The following VRK2 variants were observed in gnomAD, a reference collection of about 807,000 sequenced individuals.
VRK2 encodes the protein serine/threonine-protein kinase VRK2.
A neutral mutation model predicts 57.6 loss-of-function variants in VRK2; 60 were observed. That is an observed-to-expected ratio of 1.04 (90% confidence interval 0.85 to 1.29). The LOEUF (loss-of-function observed/expected upper bound fraction) is 1.29, where lower values mean the gene tolerates loss of function less well. VRK2 is among the 50% of genes most tolerant of loss of function. VRK2 has a pLI of 0.00. For missense variants in VRK2, 705 were observed against 588.1 expected (o/e 1.20, Z -2.06); for synonymous variants, 231 against 199.2 (o/e 1.16, Z -1.35).
chr2:58,154,783 A>C (rs1369176858), intron 12 of VRK2: 1 of 717,578 alleles, frequency 1.4e-6, no homozygotes, highest in Non-Finnish European at 2.6e-6. Flanking sequence ...TATTGATTTG[A>C]ACCCACTATT....
intron 1 of VRK2, among the ~76,000 whole-genome samples, chr2:57,924,344 C>T (rs1366840676): frequency 6.6e-6 from 1 of 151,940 alleles, no homozygotes; most frequent in East Asian, 1.9e-4. Context: ...TTGATTCTTC[C>T]AATCCAAGAA....
chr2:58,059,398 A>G (rs1677004267), intron 2 of VRK2, among the ~76,000 whole-genome samples: 1 of 151,996 alleles, frequency 6.6e-6, no homozygotes, highest in Admixed American at 6.6e-5. Flanking sequence ...TCTCTGTGAT[A>G]TGATTTTAAT....
At chr2:58,126,571 A>G (rs1678381724) in intron 8 of VRK2, among the ~76,000 whole-genome samples, 1 of 152,142 alleles carries the variant, frequency 6.6e-6, no homozygotes, top group Non-Finnish European at 1.5e-5. Flanking sequence ...GAATGGATGG[A>G]TAACTATTCC....
At chr2:58,134,361 C>G (rs1341175706) in intron 9 of VRK2, among the ~76,000 whole-genome samples, 1 of 152,076 alleles carries the variant, frequency 6.6e-6, no homozygotes, top group African/African-American at 2.4e-5. Flanking sequence ...CCTGTAATCC[C>G]AGCACTTTGG....
chr2:58,155,969 GCT>G (rs1349214868), intron 12 of VRK2, among the ~76,000 whole-genome samples: 3 of 151,230 alleles, frequency 2.0e-5, no homozygotes, highest in Non-Finnish European at 4.4e-5. Flanking sequence ...CAGAACGCAG[GCT>G]CTTTTATGGC....
chr2:58,015,824 T>A (rs1673563128), intron 1 of VRK2, among the ~76,000 whole-genome samples: 1 of 152,202 alleles, frequency 6.6e-6, no homozygotes, highest in South Asian at 2.1e-4. Context: ...AATGTTAGCT[T>A]AGCTAGGTAT....
intron 7 of VRK2, among the ~76,000 whole-genome samples, chr2:58,121,518 CATCTGTG>C (rs1677505215): frequency 6.6e-6 from 1 of 152,156 alleles, no homozygotes; most frequent in Non-Finnish European, 1.5e-5. Flanking sequence ...TAAGAAACAG[CATCTGTG>C]GGAAAGAGAG....
At chr2:58,098,657 C>T (rs1369070253) in intron 7 of VRK2, among the ~76,000 whole-genome samples, 1 of 151,934 alleles carries the variant, frequency 6.6e-6, no homozygotes, top group East Asian at 1.9e-4. Context: ...GTGTAGAAGG[C>T]TGTACTATCA....
At chr2:58,097,197 C>T (rs1357140457) in intron 7 of VRK2, among the ~76,000 whole-genome samples, 1 of 151,942 alleles carries the variant, frequency 6.6e-6, no homozygotes, top group Non-Finnish European at 1.5e-5. Flanking sequence ...TTGTTTATGT[C>T]ATCTATATCT....
chr2:58,037,502 T>G (rs1336333496), intron 3 of VRK2, among the ~76,000 whole-genome samples: 1 of 152,062 alleles, frequency 6.6e-6, no homozygotes, highest in Non-Finnish European at 1.5e-5. Flanking sequence ...AATATCTGCA[T>G]GTTTGCAATG....
intron 1 of VRK2, among the ~76,000 whole-genome samples, chr2:57,958,891 T>C (rs1196792392): frequency 1.3e-5 from 2 of 152,182 alleles, no homozygotes; most frequent in Non-Finnish European, 2.9e-5. Flanking sequence ...AGATCAGTTG[T>C]GTCATTGCTT....
chr2:58,032,056 T>A (rs1350599467), intron 2 of VRK2, among the ~76,000 whole-genome samples: 1 of 152,078 alleles, frequency 6.6e-6, no homozygotes, highest in African/African-American at 2.4e-5. Flanking sequence ...CTTAGAAAAC[T>A]CAATCAAATC....
intron 3 of VRK2, among the ~76,000 whole-genome samples, chr2:58,040,383 T>C (rs1354293831): frequency 1.3e-5 from 2 of 152,176 alleles, no homozygotes; most frequent in Non-Finnish European, 2.9e-5. Context: ...GAAAAATAAA[T>C]CTGAATATAA....
chr2:58,150,832 A>G (rs1682912837), intron 12 of VRK2, among the ~76,000 whole-genome samples: 1 of 151,324 alleles, frequency 6.6e-6, no homozygotes, highest in South Asian at 2.1e-4. Context: ...TTGTGTTTTC[A>G]TTATTAATCA....
intron 2 of VRK2, among the ~76,000 whole-genome samples, chr2:58,028,564 T>G (rs1269943084): frequency 6.6e-6 from 1 of 151,942 alleles, no homozygotes; most frequent in Non-Finnish European, 1.5e-5. Context: ...CCATAAAAAA[T>G]GATGAGTTCA....
chr2:58,113,812 G>A (rs1675967829), intron 7 of VRK2, among the ~76,000 whole-genome samples: 1 of 152,204 alleles, frequency 6.6e-6, no homozygotes, highest in Non-Finnish European at 1.5e-5. Flanking sequence ...GCGTATACCT[G>A]CAACTCACAG....
intron 2 of VRK2, among the ~76,000 whole-genome samples, chr2:58,027,551 G>A (rs953784561): frequency 6.6e-6 from 1 of 152,142 alleles, no homozygotes; most frequent in East Asian, 1.9e-4. Flanking sequence ...GGTGAAAAGG[G>A]TTGGAAAGGG....
At chr2:58,140,980 A>G (rs1681242024) in intron 11 of VRK2, among the ~76,000 whole-genome samples, 1 of 152,168 alleles carries the variant, frequency 6.6e-6, no homozygotes, top group South Asian at 2.1e-4. Context: ...CCTTTCTCTC[A>G]TGATACAATT....
intron 12 of VRK2, chr2:58,147,237 T>G (rs1464549783): frequency 1.9e-6 from 1 of 516,892 alleles, no homozygotes; most frequent in African/African-American, 1.9e-5. Flanking sequence ...GAGGCAAAAA[T>G]TAGAAGCATA....
Sources: gnomAD v4.1 joint callset for allele counts (sites outside exome capture counted in the v4.1 genomes callset) on GRCh38, gnomAD v4.1.1 for gene constraint, MANE v1.5 for transcripts, NCBI Gene and HGNC (gene_info 2026-07-23, HGNC 2026-07-21) for gene names.